The following FSTL5 variants were observed in gnomAD, a reference collection of about 807,000 sequenced individuals.
FSTL5 encodes the protein follistatin like 5.
A neutral mutation model predicts 89.1 loss-of-function variants in FSTL5; 62 were observed. The observed-to-expected ratio is 0.70, with a 90% confidence interval of 0.57 to 0.86. The LOEUF (loss-of-function observed/expected upper bound fraction) is 0.86, where lower values mean the gene tolerates loss of function less well. FSTL5 is among the 40% of genes least tolerant of loss of function. The probability of loss-of-function intolerance (pLI) is 0.00; values close to 1 mark genes in which losing one functional copy is unlikely to be tolerated. For missense variants in FSTL5, 1,057 were observed against 1,001.6 expected (o/e 1.06, Z -0.75); for synonymous variants, 383 against 346.2 (o/e 1.11, Z -1.18).
intron 4 of FSTL5, among the ~76,000 whole-genome samples, chr4:161,805,595 A>C (rs1300301227): frequency 6.6e-6 from 1 of 152,158 alleles, no homozygotes; most frequent in Non-Finnish European, 1.5e-5. Flanking sequence ...GCAACCTTGT[A>C]TCAGCATATG....
At chr4:162,120,178 T>G (rs189652950) in intron 1 of FSTL5, among the ~76,000 whole-genome samples, 1 of 152,132 alleles carries the variant, frequency 6.6e-6, no homozygotes, top group Non-Finnish European at 1.5e-5. Flanking sequence ...AATAATTGCA[T>G]TGTTATTTTA....
chr4:161,476,180 T>TTTG (rs1799701855), intron 13 of FSTL5, among the ~76,000 whole-genome samples: 1 of 102,042 alleles, frequency 9.8e-6, no homozygotes, highest in Admixed American at 1.1e-4. Context: ...CTGGTTTTTT[T>TTTG]TTTTTTTTGT....
At chr4:161,491,338 T>C (rs1207184071) in intron 12 of FSTL5, among the ~76,000 whole-genome samples, 4 of 152,040 alleles carry the variant, frequency 2.6e-5, no homozygotes, top group African/African-American at 9.7e-5. Flanking sequence ...ATTAGATATC[T>C]TTTGTGAAAT....
intron 6 of FSTL5, among the ~76,000 whole-genome samples, chr4:161,691,117 TG>T (rs1737927477): frequency 6.6e-6 from 1 of 152,152 alleles, no homozygotes; most frequent in African/African-American, 2.4e-5. Flanking sequence ...AATAATACAT[TG>T]TGAAATTTAA....
intron 4 of FSTL5, among the ~76,000 whole-genome samples, chr4:161,819,972 T>A (rs976892113): frequency 6.6e-6 from 1 of 152,064 alleles, no homozygotes; most frequent in Admixed American, 6.5e-5. Context: ...TTTCAGTAAT[T>A]TTCTCTAAAA....
intron 3 of FSTL5, among the ~76,000 whole-genome samples, chr4:162,024,942 C>A (rs1348693955): frequency 1.3e-5 from 2 of 152,098 alleles, no homozygotes; most frequent in Admixed American, 6.6e-5. Flanking sequence ...CGAGCCACTG[C>A]AACTTGTCCT....
chr4:161,519,657 C>T (rs554886193), intron 10 of FSTL5, among the ~76,000 whole-genome samples: 2 of 152,252 alleles, frequency 1.3e-5, no homozygotes, highest in South Asian at 2.1e-4. Flanking sequence ...CTAAGCCCAC[C>T]GCTGTCAGAA....
At chr4:161,501,080 C>T (rs1730277898) in intron 11 of FSTL5, among the ~76,000 whole-genome samples, 1 of 152,058 alleles carries the variant, frequency 6.6e-6, no homozygotes, top group Non-Finnish European at 1.5e-5. Context: ...TTATATCTTA[C>T]ATAATTCAGT....
intron 13 of FSTL5, among the ~76,000 whole-genome samples, chr4:161,478,223 A>T (rs562223099): frequency 6.6e-6 from 1 of 152,236 alleles, no homozygotes; most frequent in Admixed American, 6.5e-5. Flanking sequence ...TATAAATACA[A>T]TTCTGATACT....
intron 13 of FSTL5, among the ~76,000 whole-genome samples, chr4:161,477,006 A>C (rs1387602853): frequency 6.6e-6 from 1 of 152,170 alleles, no homozygotes; most frequent in Non-Finnish European, 1.5e-5. Context: ...GCTCACTATC[A>C]CATCAAATTT....
At chr4:161,480,651 G>A (rs1037656550) in intron 13 of FSTL5, among the ~76,000 whole-genome samples, 1 of 152,106 alleles carries the variant, frequency 6.6e-6, no homozygotes, top group African/African-American at 2.4e-5. Context: ...AAAATAAGGA[G>A]ACCTCAATTC....
chr4:161,593,931 T>C (rs1022772770), intron 7 of FSTL5, among the ~76,000 whole-genome samples: 4 of 152,012 alleles, frequency 2.6e-5, no homozygotes, highest in African/African-American at 9.7e-5. Context: ...GTTAAGGAAC[T>C]GAAATGCTAA....
chr4:161,466,731 C>T (rs1733759696), intron 13 of FSTL5, among the ~76,000 whole-genome samples: 1 of 151,950 alleles, frequency 6.6e-6, no homozygotes, highest in South Asian at 2.1e-4. Flanking sequence ...ATAATTGAAA[C>T]AATTTGACAT....
intron 4 of FSTL5, among the ~76,000 whole-genome samples, chr4:161,828,694 A>T (rs1730744617): frequency 1.3e-5 from 2 of 152,188 alleles, no homozygotes; most frequent in Admixed American, 1.3e-4. Context: ...TCATTAACTT[A>T]GGCTAAGATT....
intron 11 of FSTL5, among the ~76,000 whole-genome samples, chr4:161,506,476 A>G (rs996137335): frequency 2.6e-5 from 4 of 152,064 alleles, no homozygotes; most frequent in African/African-American, 9.7e-5. Context: ...ATTTGGTTAC[A>G]TGATTAAGTT....
chr4:161,904,490 C>T (rs1305360549), intron 4 of FSTL5, among the ~76,000 whole-genome samples: 2 of 151,882 alleles, frequency 1.3e-5, no homozygotes, highest in Admixed American at 6.6e-5. Context: ...AATAAGAATA[C>T]ATACTATTGA....
chr4:161,851,528 A>G (rs1053813208), intron 4 of FSTL5, among the ~76,000 whole-genome samples: 3 of 152,170 alleles, frequency 2.0e-5, no homozygotes, highest in Non-Finnish European at 2.9e-5. Flanking sequence ...GTCTATATAC[A>G]CTAAATATAT....
At chr4:161,671,613 C>T (rs1737117759) in intron 6 of FSTL5, among the ~76,000 whole-genome samples, 1 of 151,884 alleles carries the variant, frequency 6.6e-6, no homozygotes, top group Admixed American at 6.6e-5. Context: ...AACATTAAAC[C>T]TAAGATAATT....
At chr4:161,889,298 C>T (rs139463326) in intron 4 of FSTL5, among the ~76,000 whole-genome samples, 5 of 151,974 alleles carry the variant, frequency 3.3e-5, no homozygotes, top group Non-Finnish European at 7.4e-5. Context: ...GTTTGATTGG[C>T]GAGAAGTGCA....
Sources: allele counts gnomAD v4.1 joint callset (sites outside exome capture counted in the v4.1 genomes callset), GRCh38; gene constraint gnomAD v4.1.1; transcripts MANE v1.5; gene names NCBI Gene and HGNC (gene_info 2026-07-23, HGNC 2026-07-21).